Variants in RANBP17 observed in about 807,000 individuals in gnomAD.
RANBP17 encodes the protein ran-binding protein 17.
Under a neutral mutation model 141.2 loss-of-function variants are expected in RANBP17, and 158 were observed. The observed-to-expected ratio is 1.12, with a 90% CI of 0.98 to 1.28. The LOEUF is 1.28. RANBP17 is among the 50% of genes most tolerant of loss of function. The pLI, the probability that RANBP17 is intolerant of heterozygous loss-of-function variation, is 0.00. For synonymous variants in RANBP17, 430 were observed against 450.0 expected (o/e 0.96, Z 0.56); for missense variants, 1,438 against 1,290.7 (o/e 1.11, Z -1.75).
In RANBP17 at chr5:170,953,678, C is replaced by A; in HGVS notation, c.1550C>A (p.Ala517Asp). ...TATACCAGTACAGATGAGCATGATG[C>A]TATGGATGGAGAATTATCCTGTCGG... Reference protein sequence around the residue: ...LTYTSTDEHDAMDGELSCRVF... With the variant: ...LTYTSTDEHDDMDGELSCRVF... The change falls in exon 13 of 28, where the codon GCT becomes GAT. Residue 517 changes from alanine (A) to aspartate (D), a missense_variant. Transcript: ENST00000523189. 6.2e-7 allele frequency: 1 copy of A among 1,605,306 alleles called. No individual in the cohort carries two copies. Among genetic ancestry groups the A allele is most frequent in the Non-Finnish European group, 8.5e-7 (1 of 1,172,608 alleles).
chr5:171,032,694 A>G (rs529053101), intron 14 of RANBP17, among the ~76,000 whole-genome samples: 2 of 152,168 alleles, frequency 1.3e-5, no homozygotes, highest in Non-Finnish European at 2.9e-5. Flanking sequence ...CATCACTGTA[A>G]TACTGTTTGT....
intron 12 of RANBP17, among the ~76,000 whole-genome samples, chr5:170,941,721 A>T (rs879687710): frequency 2.0e-5 from 3 of 152,214 alleles, no homozygotes; most frequent in African/African-American, 4.8e-5. Flanking sequence ...ACCACATGAA[A>T]TATATTTTCC....
chr5:171,234,664 G>GA (rs537075138), intron 22 of RANBP17, among the ~76,000 whole-genome samples: 58 of 152,210 alleles, frequency 3.8e-4, no homozygotes, highest in African/African-American at 1.1e-3. Context: ...TGGTAGGACA[G>GA]AAAAAATGTA....
At chr5:170,963,359 CAAG>C (rs1456081584) in intron 13 of RANBP17, among the ~76,000 whole-genome samples, 7 of 152,036 alleles carry the variant, frequency 4.6e-5, no homozygotes, top group Non-Finnish European at 1.0e-4. Context: ...ATGTAGAAAA[CAAG>C]AATCACAAAA....
intron 13 of RANBP17, among the ~76,000 whole-genome samples, chr5:170,963,809 C>T (rs1776318924): frequency 6.6e-6 from 1 of 152,094 alleles, no homozygotes; most frequent in South Asian, 2.1e-4. Context: ...GTTTGGGGAC[C>T]CTTGTCATAA....
chr5:171,086,366 C>T (rs2127718110), intron 14 of RANBP17, among the ~76,000 whole-genome samples: 1 of 151,864 alleles, frequency 6.6e-6, no homozygotes, highest in South Asian at 2.1e-4. Context: ...TTCGGTTTGC[C>T]AGTATTTTAT....
At chr5:170,956,350 T>C (rs183277012) in intron 13 of RANBP17, among the ~76,000 whole-genome samples, 5 of 151,716 alleles carry the variant, frequency 3.3e-5, no homozygotes. Context: ...TATTGTACTT[T>C]TGGATAAAAA....
chr5:171,045,071 T>G (rs1312371268), intron 14 of RANBP17, among the ~76,000 whole-genome samples: 40 of 152,102 alleles, frequency 2.6e-4, no homozygotes, highest in Non-Finnish European at 1.5e-5. Context: ...TACTTCAGTT[T>G]TATTATTGTT....
intron 14 of RANBP17, among the ~76,000 whole-genome samples, chr5:171,118,674 A>G (rs1315151057): frequency 6.6e-6 from 1 of 152,156 alleles, no homozygotes; most frequent in Non-Finnish European, 1.5e-5. Flanking sequence ...CATTGTAAAT[A>G]TTATAAATAG....
At chr5:171,110,177 T>G (rs961370355) in intron 14 of RANBP17, among the ~76,000 whole-genome samples, 2 of 152,078 alleles carry the variant, frequency 1.3e-5, no homozygotes, top group Non-Finnish European at 2.9e-5. Flanking sequence ...ACTCTGTTAC[T>G]TCCTGGCTCT....
chr5:171,187,388 G>A (rs1020853535), intron 18 of RANBP17, among the ~76,000 whole-genome samples: 1 of 151,520 alleles, frequency 6.6e-6, no homozygotes, highest in African/African-American at 2.4e-5. Flanking sequence ...GATGTTGGCA[G>A]AATGATGCCA....
chr5:171,295,803 G>A (rs1244737006), intron 26 of RANBP17, 84 bp from the exon 27 acceptor site: 23 of 1,473,136 alleles, frequency 1.6e-5, no homozygotes, highest in Non-Finnish European at 1.7e-5. Context: ...CTGAGTAGAT[G>A]AGAGCTGCTC....
intron 13 of RANBP17, among the ~76,000 whole-genome samples, chr5:170,956,564 A>G (rs887771901): frequency 1.3e-5 from 2 of 151,610 alleles, no homozygotes; most frequent in Non-Finnish European, 2.9e-5. Context: ...AAAATTTGCT[A>G]CTCAATCTCT....
Position 170,955,295 on chromosome 5 carries a change from T to A in RANBP17, c.1574+1593T>A, listed in dbSNP as rs371379884. 4.1e-4 allele frequency among the ~76,000 whole-genome samples: 62 copies of A among 151,972 alleles called. 1 individual carries two copies. The South Asian group carries it at 0.012, about 31-fold the overall frequency. ...AGTTTATAGGTAACAAATGTATTATTTCAATTGGTATTTATTTGGTTACTA... is the reference window on the plus strand; with the variant it reads ...AGTTTATAGGTAACAAATGTATTATATCAATTGGTATTTATTTGGTTACTA... On this transcript the variant is annotated intron_variant, in intron 13 of 27. Coordinates refer to ENST00000523189, the MANE Select transcript of RANBP17 (RefSeq NM_022897.5).
chr5:171,267,533 C>T (rs1002888487), intron 25 of RANBP17, among the ~76,000 whole-genome samples: 2 of 152,022 alleles, frequency 1.3e-5, no homozygotes, highest in African/African-American at 2.4e-5. Context: ...GTTGGCCGGG[C>T]GCAGTGACTC....
intron 14 of RANBP17, among the ~76,000 whole-genome samples, chr5:171,074,048 AC>A (rs1784776004): frequency 6.6e-6 from 1 of 152,134 alleles, no homozygotes; most frequent in Non-Finnish European, 1.5e-5. Flanking sequence ...CTCCTTGTGG[AC>A]TGGACTTAGT....
chr5:171,132,593 A>T (rs938127474), intron 14 of RANBP17, among the ~76,000 whole-genome samples: 1 of 151,970 alleles, frequency 6.6e-6, no homozygotes, highest in Admixed American at 6.6e-5. Context: ...ATGGTGGTGC[A>T]TGCCTGTCGT....
intron 21 of RANBP17, among the ~76,000 whole-genome samples, chr5:171,215,489 A>G (rs1763158894): frequency 6.6e-6 from 1 of 152,188 alleles, no homozygotes; most frequent in South Asian, 2.1e-4. Flanking sequence ...ACTGTCTTCC[A>G]CAATGGTTGA....
intron 14 of RANBP17, among the ~76,000 whole-genome samples, chr5:171,042,779 G>A (rs565674047): frequency 1.4e-4 from 21 of 150,778 alleles, no homozygotes; most frequent in African/African-American, 5.0e-4. Context: ...ACCCACTCTA[G>A]GGGGGGTCAT....
Sources: gnomAD v4.1 joint callset for allele counts (sites outside exome capture counted in the v4.1 genomes callset) on GRCh38, gnomAD v4.1.1 for gene constraint, MANE v1.5 for transcripts, NCBI Gene and HGNC (gene_info 2026-07-23, HGNC 2026-07-21) for gene names.